SLC18A1: variants seen among roughly 807,000 people sequenced by gnomAD.
The protein encoded by SLC18A1 is solute carrier family 18 member A1.
SLC18A1 carries 69 observed loss-of-function variants against 53.7 expected under a neutral mutation model. That is an observed-to-expected ratio of 1.28 (90% CI 1.06 to 1.57). The LOEUF is 1.57. SLC18A1 is among the 40% of genes most tolerant of loss of function. The pLI, the probability that SLC18A1 is intolerant of heterozygous loss-of-function variation, is 0.00. For synonymous variants in SLC18A1, 320 were observed against 248.1 expected (o/e 1.29, Z -2.72); for missense variants, 932 against 668.1 (o/e 1.40, Z -4.35).
At chr8:20,156,497 A>G (rs1257011482) in intron 10 of SLC18A1, among the ~76,000 whole-genome samples, 1 of 152,162 alleles carries the variant, frequency 6.6e-6, no homozygotes, top group Admixed American at 6.5e-5. Context: ...AAAAACCGTA[A>G]TGGGTATTCA....
rs137915075 is a variant in SLC18A1, at chr8:20,151,365, ATAAAATACCCTTGAT to A, written c.1016-636_1016-622del. Among the ~76,000 whole-genome samples the A allele has an allele frequency of 1.1e-4, 16 of 152,158 alleles. No individual in the cohort carries two copies. The East Asian group carries it at 2.1e-3, about 20-fold the overall frequency. ...TGGCCCTGATGAGCCGTTCTCATGT[ATAAAATACCCTTGAT>A]TATCAGCGTGAGAATGTGAGCTTCA... On this transcript the variant is annotated intron_variant, in intron 10 of 15. Coordinates refer to ENST00000276373, the MANE Select transcript of SLC18A1 (RefSeq NM_003053.4).
At chr8:20,158,613 C>G (rs540160560) in intron 10 of SLC18A1, among the ~76,000 whole-genome samples, 1 of 152,112 alleles carries the variant, frequency 6.6e-6, no homozygotes, top group African/African-American at 2.4e-5. Flanking sequence ...TGTTAAGGAC[C>G]TAAAAGCCCA....
At chr8:20,148,354 T>G in intron 12 of SLC18A1, 2 of 851,448 alleles carry the variant, frequency 2.3e-6, no homozygotes, top group Non-Finnish European at 1.7e-6. Context: ...TCCATTATGC[T>G]CTAACGAGGG....
chr8:20,171,249 C>A, intron 7 of SLC18A1, 103 bp from the exon 8 acceptor site: 1 of 1,390,676 alleles, frequency 7.2e-7, no homozygotes, highest in East Asian at 2.3e-5. Flanking sequence ...AAATTTAACT[C>A]CCTGAGTTTC....
chr8:20,153,556 T>C (rs1032470605), intron 10 of SLC18A1, among the ~76,000 whole-genome samples: 2 of 151,922 alleles, frequency 1.3e-5, no homozygotes, highest in African/African-American at 4.8e-5. Context: ...CAGGTACCTG[T>C]AGTCCCAGCT....
intron 12 of SLC18A1, among the ~76,000 whole-genome samples, chr8:20,149,204 C>T (rs1202490702): frequency 1.3e-5 from 2 of 152,114 alleles, no homozygotes; most frequent in Non-Finnish European, 2.9e-5. Context: ...TTCTTTCTTT[C>T]TTCTTCTATC....
intron 5 of SLC18A1, among the ~76,000 whole-genome samples, chr8:20,173,477 T>A (rs1033233265): frequency 6.6e-6 from 1 of 152,128 alleles, no homozygotes; most frequent in African/African-American, 2.4e-5. Context: ...AAGGAAAATC[T>A]AGGCACACAG....
intron 3 of SLC18A1, 23 bp downstream of exon 3, chr8:20,179,098 G>A (rs1004961726): frequency 6.9e-6 from 11 of 1,596,832 alleles, no homozygotes; most frequent in Non-Finnish European, 9.4e-6. Flanking sequence ...GTACCCTGCG[G>A]GGCACTGCAC....
intron 8 of SLC18A1, among the ~76,000 whole-genome samples, chr8:20,168,922 G>A (rs1008684662): frequency 5.9e-5 from 9 of 152,064 alleles, no homozygotes; most frequent in African/African-American, 2.2e-4. Context: ...GTAAAGATTG[G>A]GTCAGTCAAG....
At chr8:20,172,973 G>T (rs1317785826) in intron 6 of SLC18A1, 63 bp downstream of exon 6, 2 of 1,209,566 alleles carry the variant, frequency 1.7e-6, no homozygotes, top group East Asian at 5.1e-5. Context: ...TCTACACCTC[G>T]GGAACACCTG....
intron 13 of SLC18A1, 114 bp downstream of exon 13, chr8:20,147,893 C>T (rs1360084209): frequency 3.2e-5 from 46 of 1,442,912 alleles, no homozygotes; most frequent in Non-Finnish European, 4.0e-5. Flanking sequence ...CAGCTGCCCT[C>T]CTGATCCTTC....
intron 1 of SLC18A1, among the ~76,000 whole-genome samples, chr8:20,181,502 C>G (rs1442356883): frequency 1.3e-5 from 2 of 152,020 alleles, no homozygotes; most frequent in African/African-American, 4.8e-5. Flanking sequence ...GTCTCAGTTA[C>G]TTGGGAGGCT....
rs1053952700 is a variant in SLC18A1 at position 20,147,922 on chromosome 8, C to T, written c.1210+85G>A. On this transcript the variant is annotated intron_variant, in intron 13 of 15. Transcript: ENST00000276373. ...ATCCTTCTGCCTCTGCACCTACCTC[C>T]TCTGATGAGAAAAGGGGGAGGAAAG... The T allele has an allele frequency of 2.3e-5, 35 of 1,508,962 alleles. No individual in the cohort carries two copies. The African/African-American group carries it at 3.0e-4, about 13-fold the overall frequency. 93.5% of individuals were successfully genotyped at this position (1,508,962 alleles called of 1,614,324 possible).
chr8:20,179,450 C>T lies in SLC18A1; in HGVS notation c.159G>A (p.Glu53=). ...GCAGAGAAGAGTTGACTTCTTTGAA[C>T]TCCATGTCATATAGGAAGGTGGGCA... The part of the protein sequence containing the change: ...PIVPTFLYDM[E]FKEVNSSLHL... The change falls in exon 3 of 16, where the codon GAG becomes GAA. Residue 53 remains glutamate (E), a synonymous_variant. Coordinates refer to ENST00000276373, the MANE Select transcript of SLC18A1 (RefSeq NM_003053.4). 1 of 1,613,294 alleles carries T rather than the reference C, an allele frequency of 6.2e-7. No individual in the cohort carries two copies. Among genetic ancestry groups the T allele is most frequent in the Non-Finnish European group, 8.5e-7 (1 of 1,179,728 alleles).
chr8:20,178,957 C>A (rs1466853969), intron 3 of SLC18A1, among the ~76,000 whole-genome samples, 164 bp downstream of exon 3: 6 of 152,190 alleles, frequency 3.9e-5, no homozygotes. Context: ...AACATTTCAT[C>A]AGTAACATGT....
At chr8:20,175,487 G>C (rs933547847) in intron 4 of SLC18A1, 10 of 152,210 alleles carry the variant, frequency 6.6e-5, no homozygotes, top group Non-Finnish European at 1.2e-4. Context: ...GTAAAGACAA[G>C]TGTGAGAAAT....
chr8:20,150,107 C>T (rs1434128150), intron 11 of SLC18A1, among the ~76,000 whole-genome samples: 1 of 152,158 alleles, frequency 6.6e-6, no homozygotes, highest in African/African-American at 2.4e-5. Flanking sequence ...TGAGGTCTGT[C>T]TCAAAAAACA....
intron 10 of SLC18A1, among the ~76,000 whole-genome samples, chr8:20,164,494 G>C (rs3735835): frequency 0.38 from 57,830 of 152,000 alleles, 12,003 homozygotes; most frequent in Middle Eastern, 0.55. Flanking sequence ...TCTTGAACTA[G>C]ATAGTATTTT....
chr8:20,178,383 T>C, intron 4 of SLC18A1, 52 bp downstream of exon 4: 1 of 1,459,422 alleles, frequency 6.9e-7, no homozygotes, highest in Non-Finnish European at 9.5e-7. Context: ...ATTCACTTGA[T>C]AAAATCAAAG....
Sources: gnomAD v4.1 joint callset for allele counts (sites outside exome capture counted in the v4.1 genomes callset) on GRCh38, gnomAD v4.1.1 for gene constraint, MANE v1.5 for transcripts, NCBI Gene and HGNC (gene_info 2026-07-23, HGNC 2026-07-21) for gene names.